DCUN1D2: variants seen among roughly 807,000 people sequenced by gnomAD.
The protein encoded by DCUN1D2 is defective in cullin neddylation 1 domain containing 2.
Under a neutral mutation model 30.9 loss-of-function variants are expected in DCUN1D2, and 29 were observed. The observed-to-expected ratio is 0.94, with a 90% CI of 0.70 to 1.28. DCUN1D2 has a LOEUF of 1.28. Among genes scored for constraint, DCUN1D2 ranks in the 50% most tolerant of loss-of-function variants. The probability of loss-of-function intolerance (pLI) is 0.00; values close to 1 mark genes in which losing one functional copy is unlikely to be tolerated. For missense variants in DCUN1D2, 325 were observed against 316.9 expected, an observed-to-expected ratio of 1.03 and a Z score of -0.19; for synonymous variants, 121 against 115.3, an observed-to-expected ratio of 1.05 and a Z score of -0.32.
Position 113,488,623 on chromosome 13 carries a change from T to C in DCUN1D2, c.3+2044A>G, listed in dbSNP as rs1030429775. Among the ~76,000 whole-genome samples the C allele has an allele frequency of 6.6e-6, 1 of 152,170 alleles. No homozygotes were observed. The highest frequency in any genetic ancestry group is 2.4e-5 in the African/African-American group (1 of 41,434). ...ATCAAATTTACAAAGGCCCAGACATTGGCAGTAAGCTTTGAGTGCACCAAG... is the reference window on the plus strand; with the variant it reads ...ATCAAATTTACAAAGGCCCAGACATCGGCAGTAAGCTTTGAGTGCACCAAG... On this transcript the variant is annotated intron_variant, in intron 1 of 6. Transcript: ENST00000478244. The surrounding 1 kb of genome is among the most constrained non-coding windows in gnomAD (Gnocchi z 4.3).
rs1044904283 is a variant in DCUN1D2, at chr13:113,457,016, A to G, written c.*1013T>C. ...TGCCTCAGCCTCCTGAGTAGCTGGG[A>G]TTACAGGCATGTGCCACCATGCCCG... On this transcript the variant is annotated 3_prime_UTR_variant, in exon 7 of 7. Coordinates refer to ENST00000478244, the MANE Select transcript of DCUN1D2 (RefSeq NM_001014283.2). The G allele has an allele frequency of 5.3e-5, 8 of 152,126 alleles. No individual in the cohort carries two copies. Among genetic ancestry groups the G allele is most frequent in the Admixed American group, 5.2e-4 (8 of 15,270 alleles). The allele number at this position is 152,126 out of a possible 1,614,324, so 9.4% of individuals were successfully genotyped here. A position where few individuals can be genotyped will look rare whatever the true frequency, so the allele number is the denominator to read the frequency against.
At chr13:113,470,634 C>T (rs572708199) in intron 4 of DCUN1D2, among the ~76,000 whole-genome samples, 1 of 150,314 alleles carries the variant, frequency 6.7e-6, no homozygotes, top group South Asian at 2.1e-4. Flanking sequence ...CCACAAGGGA[C>T]CCAACTCCAC....
chr13:113,486,761 C>T (rs559325251), intron 1 of DCUN1D2, among the ~76,000 whole-genome samples: 4 of 152,288 alleles, frequency 2.6e-5, no homozygotes, highest in African/African-American at 9.6e-5. Flanking sequence ...TCTGCAAAGT[C>T]CTCACAAGGG....
chr13:113,462,778 T>C (rs1223573777), intron 4 of DCUN1D2: 4 of 1,119,862 alleles, frequency 3.6e-6, no homozygotes, highest in Non-Finnish European at 4.4e-6. Context: ...AGATGATTAG[T>C]CTTGTCCTGC....
chr13:113,461,033 G>T, intron 5 of DCUN1D2, 21 bp downstream of exon 5: 2 of 1,531,264 alleles, frequency 1.3e-6, no homozygotes, highest in East Asian at 2.3e-5. Context: ...GGCACACAGC[G>T]AGATGCAGGA....
chr13:113,463,904 T>C (rs903828133), intron 4 of DCUN1D2, among the ~76,000 whole-genome samples: 4 of 152,238 alleles, frequency 2.6e-5, no homozygotes, highest in Non-Finnish European at 4.4e-5. Context: ...ATGCTTTTTC[T>C]GGAACAGTTG....
At chr13:113,466,075 T>C (rs1250065143) in intron 4 of DCUN1D2, among the ~76,000 whole-genome samples, 1 of 152,062 alleles carries the variant, frequency 6.6e-6, no homozygotes, top group African/African-American at 2.4e-5. Context: ...TTAGTAGAGA[T>C]GGGGATTTGC....
At chr13:113,476,597 A>C (rs2044621744) in intron 3 of DCUN1D2, among the ~76,000 whole-genome samples, 1 of 152,242 alleles carries the variant, frequency 6.6e-6, no homozygotes, top group Non-Finnish European at 1.5e-5. Flanking sequence ...CACACACAAC[A>C]TGGATTGCCT....
intron 4 of DCUN1D2, among the ~76,000 whole-genome samples, chr13:113,473,353 A>G (rs1199678964): frequency 6.6e-6 from 1 of 152,180 alleles, no homozygotes; most frequent in Admixed American, 6.5e-5. Context: ...TCCCTGCTGC[A>G]GGGTTAGGAG....
Position 113,456,330 on chromosome 13 carries a change from C to G in DCUN1D2, c.*1699G>C. 5.0e-6 allele frequency: 2 copies of G among 398,734 alleles called. No individual in the cohort carries two copies. Among genetic ancestry groups the G allele is most frequent in the Non-Finnish European group, 8.8e-6 (2 of 226,154 alleles). 24.7% of individuals were successfully genotyped at this position (398,734 alleles called of 1,614,324 possible). On this transcript the variant is annotated 3_prime_UTR_variant, in exon 7 of 7. Transcript: ENST00000478244. ...TCCTGTCCCTGCTGCCCTCTGTGAC[C>G]ATCTCTGCTAAGAAACATCGACAGT... is the stretch of plus-strand genomic sequence containing the variant.
intron 4 of DCUN1D2, among the ~76,000 whole-genome samples, chr13:113,470,889 C>CCCAACT (rs2044496327): frequency 1.3e-5 from 2 of 150,072 alleles, no homozygotes; most frequent in South Asian, 4.2e-4. Flanking sequence ...CCAAAGAAGA[C>CCCAACT]CCAACTCCAC....
rs775862055 is a variant in DCUN1D2 at position 113,484,095 on chromosome 13, G to C, written c.4-39C>G. ...AAGAAGTAGGAAAGCCAATGAAGCC[G>C]CTCCAGGTTTGTCCCAGCTTTAGCC... On this transcript the variant is annotated intron_variant, in intron 1 of 6. Coordinates refer to ENST00000478244, the MANE Select transcript of DCUN1D2 (RefSeq NM_001014283.2). 6.2e-6 allele frequency: 10 copies of C among 1,608,570 alleles called. No individual in the cohort carries two copies. In the African/African-American group the frequency reaches 1.2e-4, roughly 19 times the overall value.
intron 4 of DCUN1D2, among the ~76,000 whole-genome samples, chr13:113,470,797 C>A (rs958232237): frequency 4.0e-5 from 6 of 151,132 alleles, no homozygotes; most frequent in Admixed American, 4.0e-4. Context: ...CCCAACTCCA[C>A]AGAAGACACA....
intron 4 of DCUN1D2, among the ~76,000 whole-genome samples, chr13:113,469,507 C>T (rs2044467026): frequency 6.6e-6 from 1 of 151,778 alleles, no homozygotes; most frequent in Admixed American, 6.5e-5. Context: ...CAGTAAAACT[C>T]CGTCCCTCCA....
rs117361614 is a variant in DCUN1D2, at chr13:113,461,971, G to T, written c.521-835C>A. Among the ~76,000 whole-genome samples, 1,268 of 152,208 alleles carry T rather than the reference G, an allele frequency of 8.3e-3. 9 individuals are homozygous for T. Among genetic ancestry groups the T allele is most frequent in the Non-Finnish European group, 0.012 (832 of 68,006 alleles). ...AGAATTCTATTTTTTTAAAGTGACCGGCCGGGCGTGGTGGCTCACGCCTGT... is the reference window on the plus strand; with the variant it reads ...AGAATTCTATTTTTTTAAAGTGACCTGCCGGGCGTGGTGGCTCACGCCTGT... On this transcript the variant is annotated intron_variant, in intron 4 of 6. Transcript: ENST00000478244.
At chr13:113,461,847 A>G (rs9577556) in intron 4 of DCUN1D2, among the ~76,000 whole-genome samples, 28,645 of 152,202 alleles carry the variant, frequency 0.19, 3,320 homozygotes, top group African/African-American at 0.33. Context: ...GCTGTCTCCA[A>G]TCCATAGTTT....
Position 113,456,638 on chromosome 13 carries a change from C to T in DCUN1D2, c.*1391G>A, listed in dbSNP as rs1370653601. Reference sequence around the variant, plus strand: ...ATGTCCACAACTCAATACCAGCCCTCCACACCTCGGCAGCACTCGTGGGTC... The same window carrying T: ...ATGTCCACAACTCAATACCAGCCCTTCACACCTCGGCAGCACTCGTGGGTC... On this transcript the variant is annotated 3_prime_UTR_variant, in exon 7 of 7. Transcript: ENST00000478244. The T allele has an allele frequency of 5.8e-6, 2 of 343,168 alleles. No individual in the cohort carries two copies. The highest frequency in any genetic ancestry group is 1.0e-5 in the Non-Finnish European group (2 of 191,166). 21.3% of individuals were successfully genotyped at this position (343,168 alleles called of 1,614,324 possible). A position where few individuals can be genotyped will look rare whatever the true frequency, so the allele number is the denominator to read the frequency against.
intron 4 of DCUN1D2, among the ~76,000 whole-genome samples, chr13:113,464,304 C>T (rs2044367114): frequency 6.6e-6 from 1 of 152,188 alleles, no homozygotes; most frequent in South Asian, 2.1e-4. Flanking sequence ...CAAGGATAAA[C>T]TATAAATCTG....
At chr13:113,471,903 G>A (rs1279620972) in intron 4 of DCUN1D2, among the ~76,000 whole-genome samples, 1 of 152,234 alleles carries the variant, frequency 6.6e-6, no homozygotes, top group Non-Finnish European at 1.5e-5. Flanking sequence ...CCCTGGTGAT[G>A]AGCAGGGGCT....
Sources: allele counts gnomAD v4.1 joint callset (sites outside exome capture counted in the v4.1 genomes callset), GRCh38; gene constraint gnomAD v4.1.1; non-coding constraint Gnocchi (gnomAD v3.1); transcripts MANE v1.5; gene names NCBI Gene and HGNC (gene_info 2026-07-23, HGNC 2026-07-21).